Variants in FMN2 observed in about 807,000 individuals in gnomAD.
FMN2 encodes formin 2, also known as formin-2.
Under a neutral mutation model 142.3 loss-of-function variants are expected in FMN2, and 51 were observed. The observed-to-expected ratio is 0.36, with a 90% CI of 0.29 to 0.45. The LOEUF (loss-of-function observed/expected upper bound fraction) is 0.45, where lower values mean the gene tolerates loss of function less well. Among genes scored for constraint, FMN2 ranks in the 20% least tolerant of loss-of-function variants. The pLI is 1.00. For synonymous variants in FMN2, 882 were observed against 869.8 expected, an observed-to-expected ratio of 1.01 and a Z score of -0.25; for missense variants, 1,936 against 2,122.8, an observed-to-expected ratio of 0.91 and a Z score of 1.73.
At chr1:240,221,560 G>C (rs1479360506) in intron 6 of FMN2, among the ~76,000 whole-genome samples, 2 of 151,872 alleles carry the variant, frequency 1.3e-5, no homozygotes, top group Non-Finnish European at 2.9e-5. Flanking sequence ...CTTTTTGATG[G>C]GATTGTTTGT....
At chr1:240,438,734 A>G (rs1675495893) in intron 16 of FMN2, among the ~76,000 whole-genome samples, 1 of 152,172 alleles carries the variant, frequency 6.6e-6, no homozygotes, top group Non-Finnish European at 1.5e-5. Flanking sequence ...CTTTTCAGGA[A>G]GGGAAATGTC....
intron 8 of FMN2, among the ~76,000 whole-genome samples, chr1:240,300,140 C>G (rs1479821434): frequency 6.6e-6 from 1 of 152,140 alleles, no homozygotes; most frequent in South Asian, 2.1e-4. Flanking sequence ...AGTTGTAGTT[C>G]CAACTGCATG....
chr1:240,448,806 G>A (rs1377278726), intron 16 of FMN2, among the ~76,000 whole-genome samples: 3 of 109,846 alleles, frequency 2.7e-5, no homozygotes, highest in African/African-American at 1.0e-4. Flanking sequence ...GGTCAACAGA[G>A]CAAGACCCTG....
At chr1:240,220,639 C>T (rs1428498836) in intron 6 of FMN2, among the ~76,000 whole-genome samples, 2 of 151,342 alleles carry the variant, frequency 1.3e-5, no homozygotes, top group African/African-American at 2.4e-5. Context: ...CAAAACCAAG[C>T]GGAAGCTTCA....
At chr1:240,233,391 GA>G (rs61268991) in intron 6 of FMN2, among the ~76,000 whole-genome samples, 47,661 of 116,624 alleles carry the variant, frequency 0.41, 8,769 homozygotes, top group African/African-American at 0.6. Flanking sequence ...TCTCAAAAAA[GA>G]AAAAAAAAAA....
At chr1:240,271,763 A>G (rs892601289) in intron 7 of FMN2, among the ~76,000 whole-genome samples, 2 of 152,134 alleles carry the variant, frequency 1.3e-5, no homozygotes, top group African/African-American at 4.8e-5. Context: ...CAGAAATTTA[A>G]TATGAGAATT....
At chr1:240,326,376 T>C (rs1033623397) in intron 8 of FMN2, among the ~76,000 whole-genome samples, 2 of 152,182 alleles carry the variant, frequency 1.3e-5, no homozygotes, top group Admixed American at 6.5e-5. Context: ...GACTGTGCAA[T>C]TAGTAATTCA....
At position 240,294,812 on chromosome 1, in the gene FMN2, T is replaced by A. The variant is rs1214103319; in HGVS notation, c.4154-10T>A. On this transcript the variant is annotated splice_polypyrimidine_tract_variant and intron_variant, in intron 7 of 17. Transcript: ENST00000319653. ...TTATGGCAATTTATATTCTTCTTTTTTTTCCACAGCTGTTGTGAACTTGGA... is the reference window on the plus strand; with the variant it reads ...TTATGGCAATTTATATTCTTCTTTTATTTCCACAGCTGTTGTGAACTTGGA... 6.2e-7 allele frequency: 1 copy of A among 1,613,906 alleles called. No homozygotes were observed. Among genetic ancestry groups the A allele is most frequent in the Admixed American group, 1.7e-5 (1 of 60,022 alleles).
chr1:240,348,054 A>G (rs991292072), intron 13 of FMN2, among the ~76,000 whole-genome samples: 1 of 152,162 alleles, frequency 6.6e-6, no homozygotes, highest in Non-Finnish European at 1.5e-5. Context: ...TCCTTTGGGC[A>G]TATATACGCA....
intron 2 of FMN2, among the ~76,000 whole-genome samples, chr1:240,139,629 A>G (rs12064714): frequency 0.01 from 1,540 of 152,376 alleles, 29 homozygotes; most frequent in African/African-American, 0.036. Flanking sequence ...CAGTGTTGCC[A>G]AGAAATCAAG....
In FMN2 at chr1:240,350,055, G is replaced by A. The variant is rs565936912; in HGVS notation, c.4766-5761G>A. ...ACTTGATGTGCTACAGTTAAGAGAAGAATGGTGTCCAGTCTTCTAAATATA... is the reference window on the plus strand; with the variant it reads ...ACTTGATGTGCTACAGTTAAGAGAAAAATGGTGTCCAGTCTTCTAAATATA... On this transcript the variant is annotated intron_variant, in intron 13 of 17. Coordinates refer to ENST00000319653, the MANE Select transcript of FMN2 (RefSeq NM_020066.5). Among the ~76,000 whole-genome samples, 4 of 152,182 alleles carry A rather than the reference G, an allele frequency of 2.6e-5. No homozygotes were observed. The East Asian group carries it at 7.7e-4, about 29-fold the overall frequency.
At chr1:240,420,635 C>A (rs1227133884) in intron 15 of FMN2, among the ~76,000 whole-genome samples, 1 of 152,112 alleles carries the variant, frequency 6.6e-6, no homozygotes, top group Non-Finnish European at 1.5e-5. Context: ...CCTGAGCTAA[C>A]CTGATAAAAT....
At chr1:240,139,019 G>T (rs1179608931) in intron 2 of FMN2, among the ~76,000 whole-genome samples, 2 of 152,166 alleles carry the variant, frequency 1.3e-5, no homozygotes, top group Admixed American at 6.5e-5. Flanking sequence ...CAGATTGCTG[G>T]CCCCACCCCC....
intron 2 of FMN2, among the ~76,000 whole-genome samples, chr1:240,174,360 T>C (rs1274978433): frequency 1.3e-5 from 2 of 148,572 alleles, no homozygotes; most frequent in Non-Finnish European, 2.9e-5. Flanking sequence ...ACTTCTTTTC[T>C]TTCTGTTTTT....
At chr1:240,105,483 T>A (rs968559598) in intron 1 of FMN2, among the ~76,000 whole-genome samples, 11 of 152,174 alleles carry the variant, frequency 7.2e-5, no homozygotes, top group African/African-American at 2.4e-4. Flanking sequence ...TTGATTGAGA[T>A]TTTAGTCAAT....
intron 4 of FMN2, among the ~76,000 whole-genome samples, chr1:240,194,579 G>A (rs1200876620): frequency 1.3e-5 from 2 of 152,212 alleles, no homozygotes; most frequent in Non-Finnish European, 2.9e-5. Flanking sequence ...TAGGCCAGCT[G>A]TGTCTACTAA....
At chr1:240,250,348 C>T (rs1262351916) in intron 6 of FMN2, among the ~76,000 whole-genome samples, 1 of 152,076 alleles carries the variant, frequency 6.6e-6, no homozygotes. Context: ...TTGAGATGAT[C>T]ATATGGCTTT....
intron 8 of FMN2, among the ~76,000 whole-genome samples, chr1:240,312,376 C>G (rs1026797447): frequency 6.6e-6 from 1 of 152,114 alleles, no homozygotes; most frequent in Non-Finnish European, 1.5e-5. Context: ...GTATCAAATC[C>G]TTCCATTTCA....
At chr1:240,114,351 T>G (rs1005684013) in intron 1 of FMN2, among the ~76,000 whole-genome samples, 1 of 152,204 alleles carries the variant, frequency 6.6e-6, no homozygotes, top group Non-Finnish European at 1.5e-5. Flanking sequence ...AATCTGACAG[T>G]TGAATTGGTT....
Sources: allele counts gnomAD v4.1 joint callset (sites outside exome capture counted in the v4.1 genomes callset), GRCh38; gene constraint gnomAD v4.1.1; transcripts MANE v1.5; gene names NCBI Gene and HGNC (gene_info 2026-07-23, HGNC 2026-07-21).